The following FOXP1 variants were observed in gnomAD, a reference collection of about 807,000 sequenced individuals.
FOXP1 encodes forkhead box protein P1.
Under a neutral mutation model 98.2 loss-of-function variants are expected in FOXP1, and 15 were observed. The observed-to-expected ratio is 0.15, with a 90% CI of 0.10 to 0.24. The LOEUF (loss-of-function observed/expected upper bound fraction) is 0.24. FOXP1 is among the 10% of genes least tolerant of loss of function. The pLI is 1.00. For synonymous variants in FOXP1, 371 were observed against 314.5 expected, an observed-to-expected ratio of 1.18 and a Z score of -1.90; for missense variants, 633 against 848.5, an observed-to-expected ratio of 0.75 and a Z score of 3.15.
chr3:71,064,023 C>T (rs2107311070), intron 7 of FOXP1, among the ~76,000 whole-genome samples: 1 of 152,238 alleles, frequency 6.6e-6, no homozygotes, highest in Non-Finnish European at 1.5e-5. Flanking sequence ...AGAGCCGGTT[C>T]AGCTGGGAGT....
intron 4 of FOXP1, among the ~76,000 whole-genome samples, chr3:71,330,836 C>T (rs1325997239): frequency 6.6e-6 from 1 of 152,212 alleles, no homozygotes; most frequent in Non-Finnish European, 1.5e-5. Flanking sequence ...TTGAATCTTG[C>T]TGAGTCCCCA....
At chr3:71,298,241 C>T (rs1015805930) in intron 5 of FOXP1, among the ~76,000 whole-genome samples, 9 of 151,944 alleles carry the variant, frequency 5.9e-5, no homozygotes, top group East Asian at 1.9e-4. Context: ...CCGAGGTGGG[C>T]GGATCACGAG....
intron 3 of FOXP1, among the ~76,000 whole-genome samples, chr3:71,415,017 C>G (rs2083101690): frequency 6.6e-6 from 1 of 152,192 alleles, no homozygotes; most frequent in African/African-American, 2.4e-5. Context: ...TATCTATAAT[C>G]TCACCCTAAG....
At chr3:71,342,699 A>AAT (rs2077083065) in intron 4 of FOXP1, among the ~76,000 whole-genome samples, 1 of 151,450 alleles carries the variant, frequency 6.6e-6, no homozygotes, top group African/African-American at 2.4e-5. Context: ...AAAAAAAAAA[A>AAT]GCAAACAGAC....
rs71120328 is a variant in FOXP1 at position 71,413,199 on chromosome 3, AC to A, written c.-167-53956del. On this transcript the variant is annotated intron_variant, in intron 3 of 20. Coordinates refer to ENST00000649528, the MANE Select transcript of FOXP1 (RefSeq NM_001349338.3). ...CATCTCAAATAGACACACACACACC[AC>A]CCCCCCAAATAGACACACACACACC... 9.4e-4 allele frequency among the ~76,000 whole-genome samples: 34 copies of A among 36,294 alleles called. 1 individual carries two copies. The highest frequency in any genetic ancestry group is 1.3e-3 in the Non-Finnish European group (26 of 19,854). 23.8% of individuals were successfully genotyped at this position (36,294 alleles called of 152,430 possible). A position where few individuals can be genotyped will look rare whatever the true frequency, so the allele number is the denominator to read the frequency against.
At chr3:71,546,285 C>A (rs1426054818) in intron 2 of FOXP1, among the ~76,000 whole-genome samples, 2 of 152,052 alleles carry the variant, frequency 1.3e-5, no homozygotes, top group Non-Finnish European at 2.9e-5. Context: ...GCCAAGCAGC[C>A]AAGGCTAAAG....
intron 5 of FOXP1, among the ~76,000 whole-genome samples, chr3:71,266,399 G>A (rs758734285): frequency 2.6e-5 from 4 of 151,630 alleles, no homozygotes; most frequent in African/African-American, 9.7e-5. Flanking sequence ...ACAGGTGCCC[G>A]CCACCATGCA....
chr3:71,530,534 C>G (rs2043755314), intron 2 of FOXP1, among the ~76,000 whole-genome samples: 1 of 152,098 alleles, frequency 6.6e-6, no homozygotes, highest in Non-Finnish European at 1.5e-5. Flanking sequence ...TTGTGGTGAC[C>G]GTAAGTGTTC....
At chr3:71,156,110 CAGG>C (rs1377710972) in intron 6 of FOXP1, among the ~76,000 whole-genome samples, 3 of 152,146 alleles carry the variant, frequency 2.0e-5, no homozygotes, top group African/African-American at 7.2e-5. Context: ...AGAGAGAAAT[CAGG>C]AGGACTGCTG....
At chr3:71,150,626 G>C (rs71298372) in intron 6 of FOXP1, among the ~76,000 whole-genome samples, 18,276 of 151,818 alleles carry the variant, frequency 0.12, 1,250 homozygotes, top group East Asian at 0.26. Flanking sequence ...CTCTACAACA[G>C]CCATTACTTA....
intron 4 of FOXP1, among the ~76,000 whole-genome samples, chr3:71,314,422 G>C (rs1042271995): frequency 3.3e-5 from 5 of 151,904 alleles, no homozygotes; most frequent in Admixed American, 2.0e-4. Flanking sequence ...CAGCTACTCG[G>C]GAGGCTGAGA....
chr3:70,954,874 C>G lies in FOXP1; in HGVS notation c.*4373G>C. 1 of 221,302 alleles carries G rather than the reference C, an allele frequency of 4.5e-6. No homozygotes were observed. Among genetic ancestry groups the G allele is most frequent in the Non-Finnish European group, 8.5e-6 (1 of 117,058 alleles). 13.7% of individuals were successfully genotyped at this position (221,302 alleles called of 1,614,324 possible). On this transcript the variant is annotated 3_prime_UTR_variant, in exon 21 of 21. Coordinates refer to ENST00000649528, the MANE Select transcript of FOXP1 (RefSeq NM_001349338.3). ...GGAATGAGTTTCTTTTATGCCTTATCAAAACAAAACAAAACAAAACAAAAA... is the reference window on the plus strand; with the variant it reads ...GGAATGAGTTTCTTTTATGCCTTATGAAAACAAAACAAAACAAAACAAAAA...
chr3:71,532,483 A>G (rs2043937364), intron 2 of FOXP1, among the ~76,000 whole-genome samples: 1 of 152,192 alleles, frequency 6.6e-6, no homozygotes, highest in Admixed American at 6.6e-5. Context: ...CTGTCATCTT[A>G]CCTTCAGTGT....
chr3:71,078,074 C>T (rs959220454), intron 7 of FOXP1, among the ~76,000 whole-genome samples: 6 of 152,162 alleles, frequency 3.9e-5, no homozygotes, highest in Admixed American at 6.5e-5. Flanking sequence ...TCAGGTGATC[C>T]GCCTCCCTTG....
intron 6 of FOXP1, 106 bp from the exon 7 acceptor site, chr3:71,112,743 C>A: frequency 1.3e-6 from 1 of 794,882 alleles, no homozygotes; most frequent in East Asian, 2.5e-5. Context: ...TCCTGACTTT[C>A]CTATTTCCTG....
At position 71,031,921 on chromosome 3, in the gene FOXP1, C is replaced by A. The variant is rs180876431; in HGVS notation, c.869+9407G>T. On this transcript the variant is annotated intron_variant, in intron 11 of 20. Transcript: ENST00000649528. Reference sequence around the variant, plus strand: ...TTCTATGAACCAAGTGTGTTTCATGCACTAGAATTGTACCTGCTGAGTTAA... The same window carrying A: ...TTCTATGAACCAAGTGTGTTTCATGAACTAGAATTGTACCTGCTGAGTTAA... Among the ~76,000 whole-genome samples, 24 of 152,290 alleles carry A rather than the reference C, an allele frequency of 1.6e-4. No individual in the cohort carries two copies. The East Asian group carries it at 4.4e-3, about 28-fold the overall frequency.
At chr3:71,039,668 G>A (rs1212935116) in intron 11 of FOXP1, among the ~76,000 whole-genome samples, 1 of 151,406 alleles carries the variant, frequency 6.6e-6, no homozygotes, top group African/African-American at 2.4e-5. Flanking sequence ...GCAAATGGAC[G>A]CATCAACCTT....
intron 6 of FOXP1, among the ~76,000 whole-genome samples, chr3:71,141,825 T>C (rs1359535365): frequency 6.6e-6 from 1 of 152,154 alleles, no homozygotes; most frequent in African/African-American, 2.4e-5. Flanking sequence ...TAACCTACTC[T>C]AGATAAGTCC....
intron 7 of FOXP1, among the ~76,000 whole-genome samples, chr3:71,084,972 T>G (rs145628710): frequency 2.0e-4 from 30 of 151,834 alleles, no homozygotes; most frequent in African/African-American, 7.0e-4. Context: ...AACAAACAAA[T>G]CAATCAATCA....
Sources: gnomAD v4.1 joint callset for allele counts (sites outside exome capture counted in the v4.1 genomes callset) on GRCh38, gnomAD v4.1.1 for gene constraint, MANE v1.5 for transcripts, NCBI Gene and HGNC (gene_info 2026-07-23, HGNC 2026-07-21) for gene names.